The following CHSY3 variants were observed in gnomAD, a reference collection of about 807,000 sequenced individuals.
CHSY3 encodes the protein chondroitin sulfate synthase 3.
Under a neutral mutation model 67.2 loss-of-function variants are expected in CHSY3, and 35 were observed. The observed-to-expected ratio is 0.52, with a 90% CI of 0.40 to 0.69. The LOEUF is 0.69. Among genes scored for constraint, CHSY3 ranks in the 30% least tolerant of loss-of-function variants. The pLI is 0.00. For synonymous variants in CHSY3, 474 were observed against 434.7 expected, an observed-to-expected ratio of 1.09 and a Z score of -1.12; for missense variants, 1,069 against 1,138.5, an observed-to-expected ratio of 0.94 and a Z score of 0.88.
intron 2 of CHSY3, among the ~76,000 whole-genome samples, chr5:129,940,523 T>C (rs1296650645): frequency 6.6e-6 from 1 of 152,184 alleles, no homozygotes; most frequent in East Asian, 1.9e-4. Context: ...ACATTAGTAA[T>C]TTAATGTAGA....
rs373605620 is a variant in CHSY3 at position 130,060,970 on chromosome 5, G to A, written c.1087-123259G>A. Among the ~76,000 whole-genome samples the A allele has an allele frequency of 6.4e-4, 97 of 152,106 alleles. 2 individuals are homozygous for A. In the South Asian group the frequency reaches 0.017, roughly 27 times the overall value. On this transcript the variant is annotated intron_variant, in intron 2 of 2. Transcript: ENST00000305031. ...CTCAAGGATTAGATGAATCAATATC[G>A]TCAAAATGACCGTACTGCCTAAAGC...
chr5:130,098,003 CAAAAAAAGAAA>C (rs1767107085), intron 2 of CHSY3, among the ~76,000 whole-genome samples: 1 of 150,810 alleles, frequency 6.6e-6, no homozygotes, highest in Admixed American at 6.6e-5. Flanking sequence ...GACTCCATCT[CAAAAAAAGAAA>C]GAAAAAAGAA....
intron 2 of CHSY3, among the ~76,000 whole-genome samples, chr5:129,916,811 T>C (rs1488103837): frequency 3.3e-5 from 5 of 152,158 alleles, no homozygotes; most frequent in African/African-American, 9.6e-5. Flanking sequence ...GGAGTCAGGC[T>C]TCCTACTGAT....
chr5:129,991,676 G>A (rs1763371346), intron 2 of CHSY3, among the ~76,000 whole-genome samples: 1 of 152,120 alleles, frequency 6.6e-6, no homozygotes. Context: ...AAGCAGCCAT[G>A]GGTAGTGCCT....
intron 2 of CHSY3, among the ~76,000 whole-genome samples, chr5:130,000,732 C>CTTTTTT (rs71000946): frequency 0.035 from 2,658 of 76,474 alleles, 174 homozygotes; most frequent in Non-Finnish European, 0.04. Context: ...AACTTTTCTT[C>CTTTTTT]TTTTTTTTTT....
intron 2 of CHSY3, among the ~76,000 whole-genome samples, chr5:129,979,199 C>CAAAAAAAAAAAAAAAAAAAAAA: frequency 1.6e-5 from 1 of 62,534 alleles, no homozygotes; most frequent in South Asian, 8.5e-4. Context: ...GACTCCGTCT[C>CAAAAAAAAAAAAAAAAAAAAAA]AAAAAAAAAA....
chr5:130,086,439 C>T (rs1459663099), intron 2 of CHSY3, among the ~76,000 whole-genome samples: 1 of 151,790 alleles, frequency 6.6e-6, no homozygotes, highest in African/African-American at 2.4e-5. Context: ...CAACCCCTGC[C>T]TTTTTTTGTT....
At chr5:130,000,391 T>A (rs1415992286) in intron 2 of CHSY3, among the ~76,000 whole-genome samples, 1 of 152,200 alleles carries the variant, frequency 6.6e-6, no homozygotes, top group African/African-American at 2.4e-5. Context: ...GATTTTAAAT[T>A]TCAAGTCAGT....
intron 2 of CHSY3, among the ~76,000 whole-genome samples, chr5:130,116,556 T>C (rs1444054966): frequency 1.3e-5 from 2 of 151,696 alleles, no homozygotes; most frequent in East Asian, 3.9e-4. Context: ...TTATTCCTGA[T>C]GTAATAGTCT....
chr5:130,092,448 T>G (rs1159751811), intron 2 of CHSY3, among the ~76,000 whole-genome samples: 1 of 152,128 alleles, frequency 6.6e-6, no homozygotes, highest in Non-Finnish European at 1.5e-5. Flanking sequence ...CACCTCTTTA[T>G]AAAATACTTA....
At chr5:130,033,060 G>A (rs1440743470) in intron 2 of CHSY3, among the ~76,000 whole-genome samples, 2 of 152,278 alleles carry the variant, frequency 1.3e-5, no homozygotes, top group African/African-American at 2.4e-5. Context: ...AGATGAAGCC[G>A]ACAGCTGGAG....
intron 2 of CHSY3, among the ~76,000 whole-genome samples, chr5:130,139,003 T>C (rs543784385): frequency 1.2e-3 from 176 of 152,300 alleles, no homozygotes; most frequent in Middle Eastern, 0.01. Context: ...ATACATAGGC[T>C]ATATGGTATA....
At chr5:129,908,490 A>T in intron 2 of CHSY3, 130 bp downstream of exon 2, 1 of 1,362,310 alleles carries the variant, frequency 7.3e-7, no homozygotes, top group South Asian at 1.5e-5. Context: ...GCAGCCCTTA[A>T]GGGATACAAG....
rs1760388773 is a variant in CHSY3 at position 129,908,155 on chromosome 5, T to C, written c.881T>C (p.Ile294Thr). 3 of 1,614,040 alleles carry C rather than the reference T, an allele frequency of 1.9e-6. No homozygotes were observed. The highest frequency in any genetic ancestry group is 1.7e-5 in the Admixed American group (1 of 59,998). Residue 294 changes from isoleucine (I) to threonine (T), a missense_variant, in exon 2 of 3, where the codon ATT (isoleucine) becomes ACT (threonine). Physicochemically the swap from Ile to Thr is moderately conservative, Grantham distance 89. Transcript: ENST00000305031. ...LYLGQTGLGN[I>T]EELGKLGLEP... ...CTGGGACAGACTGGCCTGGGGAATA[T>C]TGAAGAGCTTGGAAAGCTGGGACTG...
intron 2 of CHSY3, among the ~76,000 whole-genome samples, chr5:130,153,766 C>A (rs1055567867): frequency 2.6e-5 from 4 of 152,124 alleles, no homozygotes; most frequent in Non-Finnish European, 5.9e-5. Context: ...TGGTTCTTGG[C>A]AAGCTCTTAG....
intron 2 of CHSY3, among the ~76,000 whole-genome samples, chr5:129,932,102 C>CCATATATATATATATATATA (rs1761328945): frequency 3.7e-5 from 2 of 54,040 alleles, no homozygotes; most frequent in African/African-American, 8.6e-5. Context: ...AACCATAAAA[C>CCATATATATATATATATATA]CATATATATA....
At chr5:130,051,680 G>A (rs1463162671) in intron 2 of CHSY3, among the ~76,000 whole-genome samples, 1 of 151,996 alleles carries the variant, frequency 6.6e-6, no homozygotes, top group Non-Finnish European at 1.5e-5. Context: ...AAACTTATGG[G>A]AAAAAGATAG....
chr5:130,070,161 A>G (rs956911195), intron 2 of CHSY3, among the ~76,000 whole-genome samples: 6 of 152,120 alleles, frequency 3.9e-5, no homozygotes, highest in Admixed American at 2.6e-4. Flanking sequence ...CTTCAGAAAC[A>G]TATTTACCCT....
At chr5:129,936,539 G>A (rs1761498979) in intron 2 of CHSY3, among the ~76,000 whole-genome samples, 1 of 152,180 alleles carries the variant, frequency 6.6e-6, no homozygotes, top group East Asian at 1.9e-4. Context: ...ACTTTTGCAG[G>A]GAAGGAGCCT....
Sources: gnomAD v4.1 joint callset for allele counts (sites outside exome capture counted in the v4.1 genomes callset) on GRCh38, gnomAD v4.1.1 for gene constraint, MANE v1.5 for transcripts, NCBI Gene and HGNC (gene_info 2026-07-23, HGNC 2026-07-21) for gene names.